The following TFEB variants were observed in gnomAD, a reference collection of about 807,000 sequenced individuals.
The protein encoded by TFEB is transcription factor EB.
TFEB carries 12 observed loss-of-function variants against 48.0 expected under a neutral mutation model. The ratio of observed to expected loss-of-function variants is 0.25; its 90% CI spans 0.16 to 0.40. TFEB has a LOEUF of 0.40. Among genes scored for constraint, TFEB ranks in the 10% least tolerant of loss-of-function variants. The pLI is 1.00. For missense variants in TFEB, 509 were observed against 640.3 expected (o/e 0.79, Z 2.21); for synonymous variants, 244 against 261.4 (o/e 0.93, Z 0.64).
intron 1 of TFEB, among the ~76,000 whole-genome samples, chr6:41,708,292 T>C (rs1447752149): frequency 6.6e-6 from 1 of 152,144 alleles, no homozygotes. Context: ...AAGGGAGATG[T>C]GGGAAGAGGG....
chr6:41,694,268 G>A (rs960967769), intron 1 of TFEB, among the ~76,000 whole-genome samples: 2 of 152,108 alleles, frequency 1.3e-5, no homozygotes, highest in African/African-American at 4.8e-5. Context: ...CTGCCCCACC[G>A]CCCCCTGCCA....
chr6:41,718,314 T>A (rs1770825020), intron 1 of TFEB, among the ~76,000 whole-genome samples: 1 of 152,094 alleles, frequency 6.6e-6, no homozygotes, highest in Non-Finnish European at 1.5e-5. Flanking sequence ...GCTCAATTGA[T>A]CGTCCCACCT....
Position 41,724,758 on chromosome 6 carries a change from C to T in TFEB, c.-23+10592G>A, listed in dbSNP as rs11963832. Among the ~76,000 whole-genome samples the T allele has an allele frequency of 0.043, 6,602 of 152,272 alleles. 466 individuals carry two copies. Among genetic ancestry groups the T allele is most frequent in the African/African-American group, 0.15 (6,153 of 41,522 alleles). On this transcript the variant is annotated intron_variant, in intron 1 of 8. Coordinates refer to ENST00000373033, the MANE Select transcript of TFEB (RefSeq NM_001271944.2). This position sits in a 1 kb window ranked among gnomAD's most constrained non-coding sequence, Gnocchi z 4.4. The stretch of plus-strand genomic sequence containing the variant: ...TTTTTGTCCTGGGCCCCAAGGCTCC[C>T]AGAGAACCCCTCATTTCTGCAGCCC...
intron 1 of TFEB, among the ~76,000 whole-genome samples, chr6:41,714,614 C>G (rs1160787200): frequency 1.3e-5 from 2 of 152,186 alleles, no homozygotes; most frequent in South Asian, 2.1e-4. Context: ...TCTGGCAGGG[C>G]CTTTCTGCCC....
chr6:41,705,031 T>C (rs6933790), intron 1 of TFEB, among the ~76,000 whole-genome samples: 25,083 of 152,182 alleles, frequency 0.16, 2,391 homozygotes, highest in East Asian at 0.36. Flanking sequence ...CACCCATTCA[T>C]GCAAACACCA....
At chr6:41,733,111 G>A in intron 1 of TFEB, 1 of 939,852 alleles carries the variant, frequency 1.1e-6, no homozygotes, top group South Asian at 4.9e-5. Context: ...AGGGCTCAGG[G>A]CCAAGAGCTA....
At chr6:41,696,960 C>T (rs1769620254) in intron 1 of TFEB, among the ~76,000 whole-genome samples, 1 of 152,096 alleles carries the variant, frequency 6.6e-6, no homozygotes, top group African/African-American at 2.4e-5. Context: ...CACAAGATGG[C>T]TTGGTGGGTA....
At position 41,724,938 on chromosome 6, in the gene TFEB, G is replaced by T. The variant is rs1450401316; in HGVS notation, c.-23+10412C>A. ...AAGGAAGAAGGGCCAGTGCTGAAAA[G>T]GCCTGGCTCTACTGGAACGCAACAG... On this transcript the variant is annotated intron_variant, in intron 1 of 8. Transcript: ENST00000373033. This position sits in a 1 kb window ranked among gnomAD's most constrained non-coding sequence, Gnocchi z 4.4. Among the ~76,000 whole-genome samples the T allele has an allele frequency of 6.6e-6, 1 of 152,166 alleles. No individual in the cohort carries two copies. The highest frequency in any genetic ancestry group is 1.5e-5 in the Non-Finnish European group (1 of 68,036).
At chr6:41,703,753 A>C (rs1003024445) in intron 1 of TFEB, among the ~76,000 whole-genome samples, 3 of 152,244 alleles carry the variant, frequency 2.0e-5, no homozygotes, top group African/African-American at 7.2e-5. Context: ...ATGCACACTG[A>C]GTGCGTACTC....
At chr6:41,721,022 C>T (rs182931584) in intron 1 of TFEB, among the ~76,000 whole-genome samples, 178 of 152,174 alleles carry the variant, frequency 1.2e-3, no homozygotes, top group African/African-American at 4.2e-3. Flanking sequence ...GCCCCCAGCC[C>T]CAGCCCCCAG....
At chr6:41,735,187 G>A in intron 1 of TFEB, 163 bp downstream of exon 1, 1 of 908,054 alleles carries the variant, frequency 1.1e-6, no homozygotes, top group African/African-American at 1.8e-5. Flanking sequence ...CCCGGGGGCG[G>A]ACGGACTGCG....
At position 41,734,689 on chromosome 6, in the gene TFEB, G is replaced by A. The variant is rs1401680044; in HGVS notation, c.-23+661C>T. ...TCCCCAGGGTCATAGAATAACCCAC[G>A]GGGAGAAAGAGACTGCCCAGGGACT... On this transcript the variant is annotated intron_variant, in intron 1 of 8. Transcript: ENST00000373033. The surrounding 1 kb of genome is among the most constrained non-coding windows in gnomAD (Gnocchi z 4.0). Among the ~76,000 whole-genome samples, 1 of 151,960 alleles carries A rather than the reference G, an allele frequency of 6.6e-6. No homozygotes were observed. The highest frequency in any genetic ancestry group is 1.5e-5 in the Non-Finnish European group (1 of 67,940).
At chr6:41,726,648 C>T (rs1281798156) in intron 1 of TFEB, among the ~76,000 whole-genome samples, 2 of 152,098 alleles carry the variant, frequency 1.3e-5, no homozygotes, top group Admixed American at 6.6e-5. Flanking sequence ...ACCATGTTGG[C>T]CAGGCTGGTC....
At chr6:41,696,990 G>A (rs957576464) in intron 1 of TFEB, among the ~76,000 whole-genome samples, 5 of 152,158 alleles carry the variant, frequency 3.3e-5, no homozygotes, top group South Asian at 2.1e-4. Context: ...GGAAAGTTTT[G>A]TAATTTGATA....
Position 41,687,670 on chromosome 6 carries a change from T to C in TFEB, c.727+83A>G, listed in dbSNP as rs563597511. On this transcript the variant is annotated intron_variant, in intron 6 of 8. Coordinates refer to ENST00000373033, the MANE Select transcript of TFEB (RefSeq NM_001271944.2). ...CTTGAGCAGGGAAGCCTTCCACCAG[T>C]GCAGGTCAGGGAGTGGCTTTTTAGC... The C allele has an allele frequency of 1.9e-6, 3 of 1,567,546 alleles. No homozygotes were observed. In the African/African-American group the frequency reaches 4.1e-5, roughly 21 times the overall value.
chr6:41,709,330 C>T (rs1045156361), intron 1 of TFEB, among the ~76,000 whole-genome samples: 1 of 152,176 alleles, frequency 6.6e-6, no homozygotes, highest in African/African-American at 2.4e-5. Flanking sequence ...TCGCAGTATC[C>T]TCATGTGTAA....
intron 1 of TFEB, among the ~76,000 whole-genome samples, chr6:41,710,533 T>C (rs1770430942): frequency 6.6e-6 from 1 of 152,078 alleles, no homozygotes. Flanking sequence ...TTTGGAGAAA[T>C]GAAGAAAGAA....
intron 1 of TFEB, among the ~76,000 whole-genome samples, chr6:41,712,406 G>C (rs1770522661): frequency 6.6e-6 from 1 of 152,192 alleles, no homozygotes; most frequent in Non-Finnish European, 1.5e-5. Flanking sequence ...CCAGTAAGGG[G>C]CTCAGCCACA....
In TFEB at chr6:41,684,825, A is replaced by G; in HGVS notation, c.1205T>C (p.Phe402Ser). 1 of 1,592,042 alleles carries G rather than the reference A, an allele frequency of 6.3e-7. No individual in the cohort carries two copies. The highest frequency in any genetic ancestry group is 8.6e-7 in the Non-Finnish European group (1 of 1,167,890). Reference protein sequence around the residue: ...HHLDFSHSLSFGGREDEGPPG... With the variant: ...HHLDFSHSLSSGGREDEGPPG... ...GGGACCCTCGTCCTCCCTGCCCCCA[A>G]AGCTCAGGCTGTGGCTGAAGTCCAG... is the stretch of plus-strand genomic sequence containing the variant. Residue 402 changes from phenylalanine to serine, a missense_variant, in exon 9 of 9, where the codon TTT (phenylalanine) becomes TCT (serine). Around this residue, in one of 4 missense-constraint regions of TFEB, gnomAD observed 168 missense variants for 161.0 expected, o/e 1.04. Transcript: ENST00000373033.
Sources: gnomAD v4.1 joint callset for allele counts (sites outside exome capture counted in the v4.1 genomes callset) on GRCh38, gnomAD v4.1.1 for gene constraint, gnomAD v4.1.1 regional missense constraint, Gnocchi (gnomAD v3.1) non-coding constraint, MANE v1.5 for transcripts, NCBI Gene and HGNC (gene_info 2026-07-23, HGNC 2026-07-21) for gene names.